GRIN2B: variants seen among roughly 807,000 people sequenced by gnomAD.
GRIN2B encodes glutamate receptor ionotropic, NMDA 2B.
A neutral mutation model predicts 114.5 loss-of-function variants in GRIN2B; 5 were observed. That is an observed-to-expected ratio of 0.04 (90% CI 0.02 to 0.09). The LOEUF is 0.09. GRIN2B is among the 10% of genes least tolerant of loss of function. The pLI is 1.00. For synonymous variants in GRIN2B, 787 were observed against 745.1 expected (o/e 1.06, Z -0.92); for missense variants, 1,108 against 1,943.5 (o/e 0.57, Z 8.08).
chr12:13,678,364 T>C (rs1950095652), intron 4 of GRIN2B, among the ~76,000 whole-genome samples: 1 of 152,136 alleles, frequency 6.6e-6, no homozygotes, highest in Non-Finnish European at 1.5e-5. Flanking sequence ...CTTTCAGATA[T>C]GGTGCCATCG....
chr12:13,538,220 C>G lies in GRIN2B; in HGVS notation c.*24563G>C, dbSNP rs1274778043. The G allele has an allele frequency of 1.3e-5, 2 of 152,224 alleles. No individual in the cohort carries two copies. Among genetic ancestry groups the G allele is most frequent in the African/African-American group, 4.8e-5 (2 of 41,436 alleles). The allele number at this position is 152,224 out of a possible 1,614,324, so 9.4% of individuals were successfully genotyped here. On this transcript the variant is annotated 3_prime_UTR_variant, in exon 14 of 14. Transcript: ENST00000609686. ...GCTGATGGGGACACAACCGGGTGCT[C>G]CCTCAGCCTTTCATTAGACTGGTCT... is the stretch of plus-strand genomic sequence containing the variant.
intron 2 of GRIN2B, among the ~76,000 whole-genome samples, chr12:13,974,619 T>G (rs1227414747): frequency 6.6e-6 from 1 of 152,170 alleles, no homozygotes; most frequent in Admixed American, 6.5e-5. Flanking sequence ...AGACATAATT[T>G]AAATGTCAAC....
At chr12:13,606,664 C>T (rs2136464709) in intron 10 of GRIN2B, among the ~76,000 whole-genome samples, 1 of 152,170 alleles carries the variant, frequency 6.6e-6, no homozygotes, top group Non-Finnish European at 1.5e-5. Context: ...TGTTCTTCAC[C>T]CTATTACTGT....
At chr12:13,735,877 C>T (rs1316315043) in intron 4 of GRIN2B, among the ~76,000 whole-genome samples, 3 of 146,874 alleles carry the variant, frequency 2.0e-5, no homozygotes, top group South Asian at 4.4e-4. Flanking sequence ...TCCCAGGGTT[C>T]GGAAGGAATG....
chr12:13,779,673 T>C (rs114085513), intron 3 of GRIN2B, among the ~76,000 whole-genome samples: 3,667 of 152,310 alleles, frequency 0.024, 150 homozygotes, highest in African/African-American at 0.084. Flanking sequence ...TTACAACACA[T>C]CTTAGTTCAG....
At chr12:13,649,260 G>T (rs1289646233) in intron 5 of GRIN2B, among the ~76,000 whole-genome samples, 1 of 152,054 alleles carries the variant, frequency 6.6e-6, no homozygotes, top group African/African-American at 2.4e-5. Context: ...GAAGACAGAA[G>T]ATAGAAGTGG....
At chr12:13,793,719 G>C (rs999371347) in intron 3 of GRIN2B, among the ~76,000 whole-genome samples, 1 of 152,134 alleles carries the variant, frequency 6.6e-6, no homozygotes, top group Non-Finnish European at 1.5e-5. Flanking sequence ...TGCTATTCCA[G>C]CTGCTTTCTC....
intron 3 of GRIN2B, among the ~76,000 whole-genome samples, chr12:13,848,916 A>T (rs920446300): frequency 6.6e-6 from 1 of 152,186 alleles, no homozygotes; most frequent in African/African-American, 2.4e-5. Flanking sequence ...CTTCTGGAAG[A>T]ACTGAAATGA....
At chr12:13,566,867 A>G (rs1948647547) in intron 13 of GRIN2B, among the ~76,000 whole-genome samples, 158 bp downstream of exon 13, 2 of 152,176 alleles carry the variant, frequency 1.3e-5, no homozygotes, top group South Asian at 2.1e-4. Flanking sequence ...GCCACTTGCA[A>G]TCATATCACA....
chr12:13,625,929 T>C (rs1445671611), intron 5 of GRIN2B, among the ~76,000 whole-genome samples: 1 of 152,178 alleles, frequency 6.6e-6, no homozygotes, highest in Non-Finnish European at 1.5e-5. Context: ...GGTCAGAGAA[T>C]TTTGTAAACA....
chr12:13,574,163 C>A (rs1379016369), intron 10 of GRIN2B, among the ~76,000 whole-genome samples: 2 of 152,206 alleles, frequency 1.3e-5, no homozygotes, highest in African/African-American at 2.4e-5. Context: ...TGATAGCTAA[C>A]AGATCAGAGC....
intron 10 of GRIN2B, among the ~76,000 whole-genome samples, chr12:13,594,107 A>C (rs529827799): frequency 6.6e-6 from 1 of 152,216 alleles, no homozygotes; most frequent in Non-Finnish European, 1.5e-5. Flanking sequence ...ACTGTGGAAG[A>C]CAGTGTGGCA....
chr12:13,886,446 A>T (rs1866159368), intron 2 of GRIN2B, among the ~76,000 whole-genome samples: 1 of 152,182 alleles, frequency 6.6e-6, no homozygotes, highest in Admixed American at 6.5e-5. Flanking sequence ...TAAATAAGTT[A>T]GCTGTGGGCA....
chr12:13,962,674 A>G (rs566876772), intron 2 of GRIN2B, among the ~76,000 whole-genome samples: 6 of 152,224 alleles, frequency 3.9e-5, no homozygotes, highest in Non-Finnish European at 8.8e-5. Context: ...GGACTGGATT[A>G]TCACAGTGAC....
chr12:13,972,101 G>C (rs117934854), intron 2 of GRIN2B, among the ~76,000 whole-genome samples: 1 of 152,172 alleles, frequency 6.6e-6, no homozygotes, highest in Non-Finnish European at 1.5e-5. Flanking sequence ...ATATGGCTTC[G>C]CATTAGAATC....
intron 10 of GRIN2B, 96 bp downstream of exon 10, chr12:13,608,507 C>T (rs1246457685): frequency 1.1e-6 from 1 of 885,248 alleles, no homozygotes; most frequent in Non-Finnish European, 1.9e-6. Flanking sequence ...ACGGTCAATT[C>T]CAAAAATTTA....
chr12:13,898,066 A>G (rs1011393316), intron 2 of GRIN2B, among the ~76,000 whole-genome samples: 1 of 152,026 alleles, frequency 6.6e-6, no homozygotes, highest in Non-Finnish European at 1.5e-5. Flanking sequence ...TAGCTCTATC[A>G]ACAAGGCTTA....
Position 13,547,832 on chromosome 12 carries a change from C to T in GRIN2B, c.*14951G>A, listed in dbSNP as rs781457445. 1.5e-4 allele frequency: 23 copies of T among 151,834 alleles called. No homozygotes were observed. Among genetic ancestry groups the T allele is most frequent in the East Asian group, 7.7e-4 (4 of 5,168 alleles). The allele number at this position is 151,834 out of a possible 1,614,324, so 9.4% of individuals were successfully genotyped here. On this transcript the variant is annotated 3_prime_UTR_variant, in exon 14 of 14. Coordinates refer to ENST00000609686, the MANE Select transcript of GRIN2B (RefSeq NM_000834.5). ...CCCAGGAGACTTCTCTCCACATTGTCGCAGTGTTGAAACTCTGAGATAAGA... is the reference window on the plus strand; with the variant it reads ...CCCAGGAGACTTCTCTCCACATTGTTGCAGTGTTGAAACTCTGAGATAAGA...
At chr12:13,725,216 G>A (rs1410648917) in intron 4 of GRIN2B, among the ~76,000 whole-genome samples, 3 of 151,982 alleles carry the variant, frequency 2.0e-5, no homozygotes, top group African/African-American at 7.2e-5. Flanking sequence ...TCTTCCTCTG[G>A]GGAAATCAAA....
Sources: allele counts gnomAD v4.1 joint callset (sites outside exome capture counted in the v4.1 genomes callset), GRCh38; gene constraint gnomAD v4.1.1; transcripts MANE v1.5; gene names NCBI Gene and HGNC (gene_info 2026-07-23, HGNC 2026-07-21).